IKZF2: variants seen among roughly 807,000 people sequenced by gnomAD.
IKZF2 encodes IKAROS family zinc finger 2.
A neutral mutation model predicts 49.2 loss-of-function variants in IKZF2; 15 were observed. The observed-to-expected ratio is 0.30, with a 90% CI of 0.20 to 0.47. IKZF2 has a LOEUF of 0.47. Ranked by LOEUF, IKZF2 falls within the 20% of genes least tolerant of loss-of-function variation. The pLI is 1.00. For synonymous variants in IKZF2, 227 were observed against 221.4 expected (o/e 1.03, Z -0.23); for missense variants, 567 against 664.6 (o/e 0.85, Z 1.61).
At chr2:213,061,252 A>G (rs192751702) in intron 4 of IKZF2, among the ~76,000 whole-genome samples, 25 of 151,680 alleles carry the variant, frequency 1.6e-4, no homozygotes, top group Admixed American at 1.4e-3. Context: ...TTCCAGATAC[A>G]TAATAGTGAA....
chr2:213,150,706 G>A (rs1184886568), intron 1 of IKZF2, among the ~76,000 whole-genome samples: 6 of 138,570 alleles, frequency 4.3e-5, no homozygotes, highest in African/African-American at 7.9e-5. Flanking sequence ...AAGAAAAGGG[G>A]GGGGGGGCGG....
chr2:213,083,551 C>CTTTTTTTT (rs35297007), intron 4 of IKZF2, among the ~76,000 whole-genome samples: 940 of 93,292 alleles, frequency 0.01, no homozygotes, highest in Non-Finnish European at 0.014. Flanking sequence ...ACCAGGCTAA[C>CTTTTTTTT]TTTTTTTTTT....
At chr2:213,060,000 A>T (rs1701529230) in intron 4 of IKZF2, among the ~76,000 whole-genome samples, 1 of 151,380 alleles carries the variant, frequency 6.6e-6, no homozygotes, top group Non-Finnish European at 1.5e-5. Context: ...TTATACAGTA[A>T]ATCAATAAAG....
intron 4 of IKZF2, among the ~76,000 whole-genome samples, chr2:213,094,275 G>C (rs1032706133): frequency 1.3e-5 from 2 of 152,114 alleles, no homozygotes; most frequent in East Asian, 1.9e-4. Context: ...GAGGTAAAGA[G>C]TAACTAAGGG....
chr2:213,140,003 A>G (rs1223060398), intron 4 of IKZF2, among the ~76,000 whole-genome samples: 1 of 151,984 alleles, frequency 6.6e-6, no homozygotes. Flanking sequence ...ATCCTTCTCT[A>G]GAAAACACCC....
At chr2:213,122,093 G>C (rs1208586366) in intron 4 of IKZF2, among the ~76,000 whole-genome samples, 2 of 151,718 alleles carry the variant, frequency 1.3e-5, no homozygotes, top group African/African-American at 2.4e-5. Context: ...AGAAAAGACA[G>C]ACAGAGAGAC....
Position 213,148,475 on chromosome 2 carries a change from T to C in IKZF2, c.34+121A>G, listed in dbSNP as rs376464925. ...TCAAACTCATTCAAAGGTGAAATTGTGAACAGAGAGAAAAAAGAGTACAGA... is the reference window on the plus strand; with the variant it reads ...TCAAACTCATTCAAAGGTGAAATTGCGAACAGAGAGAAAAAAGAGTACAGA... On this transcript the variant is annotated intron_variant, in intron 3 of 8. Transcript: ENST00000434687. 3.9e-4 allele frequency: 267 copies of C among 676,730 alleles called. 3 individuals carry two copies. The East Asian group carries it at 6.6e-3, about 17-fold the overall frequency. The allele number at this position is 676,730 out of a possible 1,614,324, so 41.9% of individuals were successfully genotyped here.
chr2:213,100,957 A>G (rs1374260240), intron 4 of IKZF2, among the ~76,000 whole-genome samples: 2 of 152,012 alleles, frequency 1.3e-5, no homozygotes, highest in African/African-American at 4.8e-5. Flanking sequence ...GTTTTGGCAT[A>G]ATGAAAATTA....
intron 6 of IKZF2, among the ~76,000 whole-genome samples, chr2:213,041,672 C>T: frequency 6.6e-6 from 1 of 152,098 alleles, no homozygotes; most frequent in Admixed American, 6.6e-5. Flanking sequence ...TCTCCCCTTT[C>T]CCTCTTCTCC....
At chr2:213,036,579 T>C (rs899639842) in intron 6 of IKZF2, among the ~76,000 whole-genome samples, 2 of 152,204 alleles carry the variant, frequency 1.3e-5, no homozygotes, top group Non-Finnish European at 2.9e-5. Context: ...GGGATGAAGA[T>C]GCAAAATCTC....
At chr2:213,070,570 A>G (rs1702589628) in intron 4 of IKZF2, among the ~76,000 whole-genome samples, 1 of 152,116 alleles carries the variant, frequency 6.6e-6, no homozygotes, top group South Asian at 2.1e-4. Flanking sequence ...AATTTATCAA[A>G]TACCAATTTA....
chr2:213,054,483 C>A (rs1053731564), intron 5 of IKZF2, among the ~76,000 whole-genome samples: 2 of 152,102 alleles, frequency 1.3e-5, no homozygotes, highest in Admixed American at 6.6e-5. Context: ...AATAGACTTT[C>A]TAGTCTCAAA....
intron 1 of IKZF2, 200 bp from the exon 2 acceptor site, chr2:213,150,447 G>GC (rs1553605937): frequency 3.2e-5 from 3 of 94,568 alleles, no homozygotes; most frequent in Non-Finnish European, 3.9e-5. Flanking sequence ...TGAGAGAGAA[G>GC]AACACCCCCC....
chr2:213,060,064 T>C (rs1701535722), intron 4 of IKZF2, among the ~76,000 whole-genome samples: 1 of 151,358 alleles, frequency 6.6e-6, no homozygotes, highest in African/African-American at 2.4e-5. Context: ...ATTTACATGA[T>C]GCATATATAC....
chr2:213,088,744 C>A (rs1005480764), intron 4 of IKZF2, among the ~76,000 whole-genome samples: 1 of 151,974 alleles, frequency 6.6e-6, no homozygotes, highest in African/African-American at 2.4e-5. Context: ...GGCAACAGAG[C>A]GAGACTCTGT....
In IKZF2 at chr2:213,026,383, G is replaced by A. The variant is rs116040390; in HGVS notation, c.575-4253C>T. On this transcript the variant is annotated intron_variant, in intron 6 of 8. Transcript: ENST00000434687. ...TTATATTATCTGTGACTTTTATACT[G>A]GTATTTACACACTAATTTTCATCTC... 1.4e-3 allele frequency among the ~76,000 whole-genome samples: 206 copies of A among 152,112 alleles called. 1 individual carries two copies. Among genetic ancestry groups the A allele is most frequent in the African/African-American group, 4.6e-3 (192 of 41,492 alleles).
intron 7 of IKZF2, 33 bp from the exon 8 acceptor site, chr2:213,013,967 A>C: frequency 3.7e-6 from 6 of 1,600,288 alleles, no homozygotes; most frequent in Non-Finnish European, 5.1e-6. Flanking sequence ...GCAATCTGAT[A>C]ATTTCTTCAA....
chr2:213,110,901 A>G (rs1454457643), intron 4 of IKZF2, among the ~76,000 whole-genome samples: 2 of 151,994 alleles, frequency 1.3e-5, no homozygotes, highest in Non-Finnish European at 2.9e-5. Flanking sequence ...GAAAAACTTT[A>G]TATGTGTAGG....
chr2:213,003,918 A>G lies in IKZF2; in HGVS notation c.*3442T>C, dbSNP rs945529101. 6.6e-6 allele frequency: 1 copy of G among 151,866 alleles called. No individual in the cohort carries two copies. Among genetic ancestry groups the G allele is most frequent in the African/African-American group, 2.4e-5 (1 of 41,424 alleles). 9.4% of individuals were successfully genotyped at this position (151,866 alleles called of 1,614,324 possible). ...TTTGAATGTATATCCAATCAGCTTA[A>G]TCATTGTTTGTTTCACTTTGTTCTG... On this transcript the variant is annotated 3_prime_UTR_variant, in exon 9 of 9. Transcript: ENST00000434687.
Sources: allele counts gnomAD v4.1 joint callset (sites outside exome capture counted in the v4.1 genomes callset), GRCh38; gene constraint gnomAD v4.1.1; transcripts MANE v1.5; gene names NCBI Gene and HGNC (gene_info 2026-07-23, HGNC 2026-07-21).